PLGLB1: variants seen among roughly 807,000 people sequenced by gnomAD.
The protein encoded by PLGLB1 is plasminogen-like protein B.
At chr2:87,013,248 C>T (rs1573659387) in intron 3 of PLGLB1, 129 bp from the exon 4 acceptor site, 1 of 141,732 alleles carries the variant, frequency 7.1e-6, no homozygotes, top group Non-Finnish European at 1.2e-5. Context: ...AAAAGATCAT[C>T]TTTTGCACCT....
At chr2:87,013,595 A>G (rs1682277195) in intron 3 of PLGLB1, 3 of 52,112 alleles carry the variant, frequency 5.8e-5, no homozygotes, top group South Asian at 6.4e-4. Context: ...ACCCACTTCT[A>G]TTTCTTCAGG....
intron 2 of PLGLB1, among the ~76,000 whole-genome samples, chr2:87,017,211 TAA>T (rs1214204897): frequency 7.2e-6 from 1 of 138,102 alleles, no homozygotes; most frequent in East Asian, 2.1e-4. Context: ...CTTGTAGCTA[TAA>T]GTCATTGCTC....
chr2:87,015,236 TGCTACTTG>T (rs1277470869), intron 3 of PLGLB1, among the ~76,000 whole-genome samples: 3 of 88,506 alleles, frequency 3.4e-5, no homozygotes, highest in African/African-American at 8.4e-5. Flanking sequence ...ACCGTTTGCT[TGCTACTTG>T]TAAGAACTAA....
At chr2:87,014,197 CCTT>C (rs1211214794) in intron 3 of PLGLB1, among the ~76,000 whole-genome samples, 68 of 64,114 alleles carry the variant, frequency 1.1e-3, no homozygotes, top group African/African-American at 2.4e-3. Context: ...GCACCAGAGA[CCTT>C]CTACTGGTGA....
In PLGLB1 at chr2:87,010,977, C is replaced by T. The variant is rs1324218938; in HGVS notation, c.*2144G>A. Among the ~76,000 whole-genome samples, 8 of 84,140 alleles carry T rather than the reference C, an allele frequency of 9.5e-5. No homozygotes were observed. Among genetic ancestry groups the T allele is most frequent in the East Asian group, 7.4e-4 (2 of 2,688 alleles). 55.2% of individuals were successfully genotyped at this position (84,140 alleles called of 152,430 possible). Reference sequence around the variant, plus strand: ...TTTGCTCCTTTCCGAGAGGTGAACACGTTACGCAATTATTAATAATATCCC... The same window carrying T: ...TTTGCTCCTTTCCGAGAGGTGAACATGTTACGCAATTATTAATAATATCCC... On this transcript the variant is annotated 3_prime_UTR_variant, in exon 4 of 4. Transcript: ENST00000355705.
At chr2:87,020,678 G>A (rs1223674631) in intron 1 of PLGLB1, among the ~76,000 whole-genome samples, 9 of 129,760 alleles carry the variant, frequency 6.9e-5, no homozygotes, top group African/African-American at 1.8e-4. Context: ...GTTTTTGGGG[G>A]TATGAATAGT....
chr2:87,014,921 CACTG>C (rs1179434693), intron 3 of PLGLB1, among the ~76,000 whole-genome samples: 1 of 148,068 alleles, frequency 6.8e-6, no homozygotes, highest in African/African-American at 2.5e-5. Context: ...CGTGATCTAA[CACTG>C]ACTGTTCCTG....
At chr2:87,021,107 T>C (rs2104879431) in intron 1 of PLGLB1, among the ~76,000 whole-genome samples, 1 of 135,232 alleles carries the variant, frequency 7.4e-6, no homozygotes, top group East Asian at 2.2e-4. Flanking sequence ...CAGGTATGTA[T>C]GTATGTGTAA....
In PLGLB1 at chr2:87,013,526, T is replaced by G. The variant is rs371724547; in HGVS notation, c.*2-407A>C. 1.8e-3 allele frequency: 195 copies of G among 109,760 alleles called. 22 individuals carry two copies. In the South Asian group the frequency reaches 0.031, roughly 17 times the overall value. 6.8% of individuals were successfully genotyped at this position (109,760 alleles called of 1,614,324 possible). A position where few individuals can be genotyped will look rare whatever the true frequency, so the allele number is the denominator to read the frequency against. ...TACATGATGAGACAGAGTAAGAGAA[T>G]GGGGAAAGGGTTTTTAGATGGGGGA... On this transcript the variant is annotated intron_variant, in intron 3 of 3. Transcript: ENST00000355705.
chr2:87,020,804 T>TA (rs888358563), intron 1 of PLGLB1, among the ~76,000 whole-genome samples: 15 of 145,400 alleles, frequency 1.0e-4, no homozygotes, highest in African/African-American at 3.9e-4. Context: ...AGCTTTTTTT[T>TA]AAAAAAAGAA....
chr2:87,020,853 T>C (rs1682405436), intron 1 of PLGLB1, among the ~76,000 whole-genome samples: 1 of 148,094 alleles, frequency 6.8e-6, no homozygotes, highest in African/African-American at 2.6e-5. Flanking sequence ...AGAATATTAT[T>C]TCAAAGGCTT....
Position 87,016,406 on chromosome 2 carries a change from GC to G in PLGLB1, c.187del (p.Ala63HisfsTer12). The G allele has an allele frequency of 2.0e-6, 1 of 507,918 alleles. No individual in the cohort carries two copies. The allele number at this position is 507,918 out of a possible 1,614,324, so 31.5% of individuals were successfully genotyped here. A position where few individuals can be genotyped will look rare whatever the true frequency, so the allele number is the denominator to read the frequency against. ...TTGCTCTTTACTGTGATATTGGAAT[GC>G]CCTGCAGAACGAAGCAGGAAATCCA... Reference protein sequence around the residue: ...CEEDKEFTCRAFQYHSKEQQC... With the variant: ...CEEDKEFTCRXFQYHSKEQQC... On this transcript the variant is annotated frameshift_variant and splice_region_variant, in exon 3 of 4. Coordinates refer to ENST00000355705, the MANE Select transcript of PLGLB1 (RefSeq NM_001032392.4). LOFTEE classifies it high-confidence loss of function.
intron 2 of PLGLB1, among the ~76,000 whole-genome samples, chr2:87,017,109 G>T (rs1207521444): frequency 6.9e-6 from 1 of 145,316 alleles, no homozygotes; most frequent in East Asian, 2.0e-4. Context: ...GGTAGAACAT[G>T]CATTGATTAT....
At chr2:87,013,491 A>G (rs1416202490) in intron 3 of PLGLB1, 1 of 142,582 alleles carries the variant, frequency 7.0e-6, no homozygotes, top group Non-Finnish European at 1.4e-5. Context: ...ATACATGGAT[A>G]CATGTTACAT....
chr2:87,014,430 GC>G (rs1346232923), intron 3 of PLGLB1, among the ~76,000 whole-genome samples: 4 of 151,226 alleles, frequency 2.6e-5, no homozygotes, highest in African/African-American at 9.7e-5. Context: ...TATTATGATT[GC>G]CAGTACATCT....
At chr2:87,017,130 C>T (rs1433502178) in intron 2 of PLGLB1, among the ~76,000 whole-genome samples, 11 of 146,928 alleles carry the variant, frequency 7.5e-5, no homozygotes, top group Non-Finnish European at 1.2e-4. Flanking sequence ...GCCTGTAGCT[C>T]ACTTAGGCTG....
Position 87,013,424 on chromosome 2 carries a change from GAC to G in PLGLB1, c.*2-307_*2-306del, listed in dbSNP as rs999252640. 5 of 143,284 alleles carry G rather than the reference GAC, an allele frequency of 3.5e-5. 2 individuals carry two copies. The highest frequency in any genetic ancestry group is 2.3e-4 in the African/African-American group (5 of 22,208). 8.9% of individuals were successfully genotyped at this position (143,284 alleles called of 1,614,324 possible). A position where few individuals can be genotyped will look rare whatever the true frequency, so the allele number is the denominator to read the frequency against. ...TAGAGCTCACATTCTAGTGGAATCA[GAC>G]AGGGGGGTTACAGGAAATATTCAAG... On this transcript the variant is annotated intron_variant, in intron 3 of 3. Transcript: ENST00000355705.
chr2:87,013,493 A>G (rs1165122523), intron 3 of PLGLB1: 1 of 141,564 alleles, frequency 7.1e-6, no homozygotes, highest in African/African-American at 3.5e-5. Context: ...ACATGGATAC[A>G]TGTTACATAC....
intron 1 of PLGLB1, among the ~76,000 whole-genome samples, chr2:87,019,136 A>G (rs1682380001): frequency 1.0e-5 from 1 of 98,038 alleles, no homozygotes; most frequent in Non-Finnish European, 2.0e-5. Flanking sequence ...GGAGGTTCTG[A>G]AAGATGACAC....
Sources: gnomAD v4.1 joint callset for allele counts (sites outside exome capture counted in the v4.1 genomes callset) on GRCh38, gnomAD v4.1.1 for gene constraint, MANE v1.5 for transcripts, NCBI Gene and HGNC (gene_info 2026-07-23, HGNC 2026-07-21) for gene names.